Variants in GMDS observed in about 807,000 individuals in gnomAD.
The protein encoded by GMDS is GDP-mannose 4,6 dehydratase.
A neutral mutation model predicts 49.9 loss-of-function variants in GMDS; 20 were observed. The observed-to-expected ratio is 0.40, with a 90% CI of 0.28 to 0.58. The LOEUF is 0.58. Ranked by LOEUF, GMDS falls within the 20% of genes least tolerant of loss-of-function variation. The pLI, the probability that GMDS is intolerant of heterozygous loss-of-function variation, is 0.42. For missense variants in GMDS, 362 were observed against 481.4 expected, an observed-to-expected ratio of 0.75 and a Z score of 2.32; for synonymous variants, 177 against 178.6, an observed-to-expected ratio of 0.99 and a Z score of 0.07.
chr6:2,102,541 C>T (rs1773983469), intron 4 of GMDS, among the ~76,000 whole-genome samples: 3 of 152,232 alleles, frequency 2.0e-5, no homozygotes, highest in South Asian at 4.1e-4. Flanking sequence ...AAAACCGTGG[C>T]AGTGAAAAGG....
At chr6:1,826,205 T>G (rs1771104313) in intron 7 of GMDS, among the ~76,000 whole-genome samples, 1 of 152,132 alleles carries the variant, frequency 6.6e-6, no homozygotes, top group Admixed American at 6.5e-5. Context: ...AATTTAAAAA[T>G]AAGGTAATTG....
chr6:1,959,867 C>T lies in GMDS; in HGVS notation c.643G>A (p.Gly215Arg), dbSNP rs780239333. Residue 215 changes from glycine to arginine, a missense_variant and splice_region_variant, in exon 6 of 11, where the codon GGA becomes AGA. Coordinates refer to ENST00000380815, the MANE Select transcript of GMDS (RefSeq NM_001500.4). The stretch of plus-strand genomic sequence containing the variant: ...CTTTTCAGTTAATATATTTACTGAC[C>T]TCTTCTGGGACTCTCATGATTGAAG... ...ILFNHESPRR[G>R]ANFVTRKISR... is the part of the protein sequence containing the mutation. The T allele has an allele frequency of 1.3e-6, 2 of 1,543,734 alleles. No homozygotes were observed. Among genetic ancestry groups the T allele is most frequent in the Non-Finnish European group, 1.8e-6 (2 of 1,128,074 alleles).
In GMDS at chr6:2,117,500, C is replaced by T; in HGVS notation, c.204G>A (p.Leu68=). 1 of 1,606,730 alleles carries T rather than the reference C, an allele frequency of 6.2e-7. No individual in the cohort carries two copies. The highest frequency in any genetic ancestry group is 8.5e-7 in the Non-Finnish European group (1 of 1,173,282). ...CAATGTGAGCCTGGGGATTCTTATA[C>T]AGATGCTCAATTCGACCCGTATTAA... is the stretch of plus-strand genomic sequence containing the variant. ...SSFNTGRIEH[L]YKNPQAHIEG... is the part of the protein sequence containing the mutation. The change falls in exon 3 of 11, where the codon CTG becomes CTA. Residue 68 remains leucine, a synonymous_variant. Coordinates refer to ENST00000380815, the MANE Select transcript of GMDS (RefSeq NM_001500.4).
At chr6:2,177,884 G>A (rs1186960254) in intron 1 of GMDS, among the ~76,000 whole-genome samples, 3 of 152,042 alleles carry the variant, frequency 2.0e-5, no homozygotes, top group African/African-American at 4.8e-5. Flanking sequence ...TAGAATCAAC[G>A]CAGGTGCTCA....
Position 2,080,620 on chromosome 6 carries a change from T to C in GMDS, c.345+35151A>G, listed in dbSNP as rs557857911. 5.3e-5 allele frequency among the ~76,000 whole-genome samples: 8 copies of C among 152,286 alleles called. No homozygotes were observed. The East Asian group carries it at 1.5e-3, about 29-fold the overall frequency. On this transcript the variant is annotated intron_variant, in intron 4 of 10. Transcript: ENST00000380815. ...CTGTGATTTCCTCAGTAGCTTATGGTGCAGTTATTAGTGGAGGCTGTGGTA... is the reference window on the plus strand; with the variant it reads ...CTGTGATTTCCTCAGTAGCTTATGGCGCAGTTATTAGTGGAGGCTGTGGTA...
intron 1 of GMDS, among the ~76,000 whole-genome samples, chr6:2,202,008 C>T (rs1779561995): frequency 7.5e-6 from 1 of 133,248 alleles, no homozygotes; most frequent in African/African-American, 2.8e-5. Context: ...GAAGAGAGAG[C>T]ACCACATGGG....
intron 9 of GMDS, among the ~76,000 whole-genome samples, chr6:1,680,186 A>G (rs1764744480): frequency 6.6e-6 from 1 of 152,230 alleles, no homozygotes; most frequent in Non-Finnish European, 1.5e-5. Flanking sequence ...GCATCCAGAT[A>G]TTCAAAGACC....
chr6:1,767,941 G>C (rs1768422536), intron 7 of GMDS, among the ~76,000 whole-genome samples: 1 of 152,032 alleles, frequency 6.6e-6, no homozygotes, highest in Admixed American at 6.5e-5. Flanking sequence ...TCTCTTCTCG[G>C]TGACAGTTCA....
chr6:1,835,083 G>A (rs572373744), intron 7 of GMDS, among the ~76,000 whole-genome samples: 2 of 152,202 alleles, frequency 1.3e-5, no homozygotes, highest in East Asian at 3.9e-4. Flanking sequence ...AAGGAGGGAG[G>A]GAATATAAAG....
intron 7 of GMDS, among the ~76,000 whole-genome samples, chr6:1,918,866 T>G (rs575137610): frequency 2.5e-5 from 3 of 121,368 alleles, no homozygotes; most frequent in African/African-American, 8.4e-5. Context: ...GTTACTTCCT[T>G]TCATTTATGA....
intron 7 of GMDS, among the ~76,000 whole-genome samples, chr6:1,808,390 C>T (rs992167712): frequency 6.6e-6 from 1 of 152,190 alleles, no homozygotes; most frequent in South Asian, 2.1e-4. Flanking sequence ...ACCACACATA[C>T]TGAAGTCTTA....
chr6:1,764,981 T>TTAAATAGTGTTCCTTTAATAGTGTTGC, intron 7 of GMDS, among the ~76,000 whole-genome samples: 1 of 152,328 alleles, frequency 6.6e-6, no homozygotes, highest in East Asian at 1.9e-4. Context: ...TGAATTATTG[T>TTAAATAGTGTTCCTTTAATAGTGTTGC]TAAATAGTGT....
chr6:1,742,495 G>T lies in GMDS; in HGVS notation c.863C>A (p.Ser288Ter). ...AATGGTTTTTCCAATGTGCAAGAATGATTTCTCGACAAATTCCCGGACACT... is the reference window on the plus strand; with the variant it reads ...AATGGTTTTTCCAATGTGCAAGAATTATTTCTCGACAAATTCCCGGACACT... ...VHSVREFVEK[S>*]FLHIGKTIVW... The change falls in exon 8 of 11, where the codon TCA becomes TAA. Residue 288 changes from serine (S) to a stop codon, truncating the protein, a stop_gained. Transcript: ENST00000380815. LOFTEE classifies it high-confidence loss of function. The T allele has an allele frequency of 6.2e-7, 1 of 1,606,122 alleles. No individual in the cohort carries two copies. Among genetic ancestry groups the T allele is most frequent in the South Asian group, 1.1e-5 (1 of 90,860 alleles).
chr6:1,928,108 T>G (rs1316660274), intron 7 of GMDS, among the ~76,000 whole-genome samples: 1 of 152,234 alleles, frequency 6.6e-6, no homozygotes, highest in East Asian at 1.9e-4. Context: ...GGCTCAAGCC[T>G]GTAATCCCGG....
At chr6:1,758,700 G>A (rs540971583) in intron 7 of GMDS, among the ~76,000 whole-genome samples, 31 of 152,256 alleles carry the variant, frequency 2.0e-4, no homozygotes, top group African/African-American at 6.0e-4. Flanking sequence ...TGGGAAGCGC[G>A]CTGAGAAACT....
intron 7 of GMDS, among the ~76,000 whole-genome samples, chr6:1,841,849 C>T (rs984662867): frequency 1.3e-5 from 2 of 152,220 alleles, no homozygotes; most frequent in Non-Finnish European, 2.9e-5. Flanking sequence ...CTGCTTTCTT[C>T]TCACTCACTT....
At chr6:1,845,370 C>G (rs1581249296) in intron 7 of GMDS, among the ~76,000 whole-genome samples, 1 of 152,232 alleles carries the variant, frequency 6.6e-6, no homozygotes, top group East Asian at 1.9e-4. Context: ...CTCTTTGTAC[C>G]ATTTATCAGT....
chr6:1,712,571 A>G (rs1359753489), intron 9 of GMDS, among the ~76,000 whole-genome samples: 1 of 152,242 alleles, frequency 6.6e-6, no homozygotes, highest in Non-Finnish European at 1.5e-5. Context: ...TGTCACTCAC[A>G]TGGAGAGAAG....
chr6:1,713,925 T>C (rs549880373), intron 9 of GMDS, among the ~76,000 whole-genome samples: 28 of 152,352 alleles, frequency 1.8e-4, no homozygotes, highest in East Asian at 1.2e-3. Context: ...CCAAAGACTA[T>C]TCTAGTGCAT....
Sources: gnomAD v4.1 joint callset for allele counts (sites outside exome capture counted in the v4.1 genomes callset) on GRCh38, gnomAD v4.1.1 for gene constraint, MANE v1.5 for transcripts, NCBI Gene and HGNC (gene_info 2026-07-23, HGNC 2026-07-21) for gene names.